The following SDHB variants were observed in gnomAD, a reference collection of about 807,000 sequenced individuals.
SDHB encodes the protein succinate dehydrogenase [ubiquinone] iron-sulfur subunit, mitochondrial.
In SDHB, 21 loss-of-function variants were observed where a neutral mutation model predicts 39.7. That is an observed-to-expected ratio of 0.53 (90% CI 0.37 to 0.76). The LOEUF (loss-of-function observed/expected upper bound fraction) is 0.76. SDHB is among the 30% of genes least tolerant of loss of function. The pLI, the probability that SDHB is intolerant of heterozygous loss-of-function variation, is 0.00. For missense variants in SDHB, 343 were observed against 350.9 expected (o/e 0.98, Z 0.18); for synonymous variants, 118 against 117.0 (o/e 1.01, Z -0.06).
intron 2 of SDHB, among the ~76,000 whole-genome samples, chr1:17,035,568 T>C (rs1463751041): frequency 6.6e-6 from 1 of 152,164 alleles, no homozygotes; most frequent in Non-Finnish European, 1.5e-5. Flanking sequence ...AAATTTCAAA[T>C]TGGCCAGGTG....
intron 6 of SDHB, chr1:17,023,273 A>G (rs764920471): frequency 5.0e-6 from 1 of 200,064 alleles, no homozygotes; most frequent in Admixed American, 5.3e-5. Context: ...TACTTAGAGG[A>G]CCTCTACATC....
At chr1:17,041,279 A>AT (rs1157338702) in intron 2 of SDHB, among the ~76,000 whole-genome samples, 1 of 152,086 alleles carries the variant, frequency 6.6e-6, no homozygotes, top group Non-Finnish European at 1.5e-5. Context: ...TCAGTACTAG[A>AT]TTTTCCATTT....
chr1:17,030,196 A>C (rs566897324), intron 3 of SDHB, among the ~76,000 whole-genome samples: 20 of 152,282 alleles, frequency 1.3e-4, no homozygotes, highest in African/African-American at 4.1e-4. Flanking sequence ...CTCAAAAAAA[A>C]GAAAAAAATA....
At chr1:17,038,796 G>T (rs1171858613) in intron 2 of SDHB, among the ~76,000 whole-genome samples, 3 of 152,018 alleles carry the variant, frequency 2.0e-5, no homozygotes, top group Non-Finnish European at 4.4e-5. Flanking sequence ...ATTCCTTATA[G>T]TTTTATTTAT....
At chr1:17,021,893 C>T (rs1489370752) in intron 7 of SDHB, among the ~76,000 whole-genome samples, 1 of 152,234 alleles carries the variant, frequency 6.6e-6, no homozygotes, top group Non-Finnish European at 1.5e-5. Flanking sequence ...TATAAAATTA[C>T]CCAGTCTGAA....
intron 1 of SDHB, 34 bp downstream of exon 1, chr1:17,053,905 GTGGCTTTCC>G (rs1463309780): frequency 6.7e-7 from 1 of 1,481,874 alleles, no homozygotes; most frequent in Admixed American, 1.7e-5. Flanking sequence ...GGCAGTCTCT[GTGGCTTTCC>G]TGACTTTTCC....
At position 17,039,993 on chromosome 1, in the gene SDHB, T is replaced by C. The variant is rs76793441; in HGVS notation, c.200+4768A>G. 5.3e-3 allele frequency among the ~76,000 whole-genome samples: 811 copies of C among 152,350 alleles called. 10 individuals carry two copies. Among genetic ancestry groups the C allele is most frequent in the African/African-American group, 0.019 (780 of 41,578 alleles). On this transcript the variant is annotated intron_variant, in intron 2 of 7. Transcript: ENST00000375499. ...GACTAACTTCCTATAGCATTTCATG[T>C]AGTACTGGTCTTCTGGCCATGAATT... is the stretch of plus-strand genomic sequence containing the variant.
At chr1:17,030,624 G>GA (rs2078017263) in intron 3 of SDHB, among the ~76,000 whole-genome samples, 1 of 151,928 alleles carries the variant, frequency 6.6e-6, no homozygotes, top group Admixed American at 6.6e-5. Flanking sequence ...CTCTGAAGCT[G>GA]TTTTTTGAAG....
intron 7 of SDHB, among the ~76,000 whole-genome samples, chr1:17,021,602 G>A (rs2077962383): frequency 1.3e-5 from 2 of 152,068 alleles, no homozygotes; most frequent in Non-Finnish European, 2.9e-5. Flanking sequence ...AAATTAGCCA[G>A]GCATGAGTGG....
intron 5 of SDHB, among the ~76,000 whole-genome samples, chr1:17,026,334 C>T (rs2077990831): frequency 6.6e-6 from 1 of 152,116 alleles, no homozygotes; most frequent in Non-Finnish European, 1.5e-5. Flanking sequence ...TGGTGACAGA[C>T]TGGGCACACT....
chr1:17,032,985 C>CT, intron 3 of SDHB, 75 bp downstream of exon 3: 1 of 1,092,166 alleles, frequency 9.2e-7, no homozygotes, highest in East Asian at 2.4e-5. Context: ...CCAGATGTCT[C>CT]TATCAGCTTT....
At position 17,045,134 on chromosome 1, in the gene SDHB, AACTT is replaced by A. The variant is rs1402936818; in HGVS notation, c.73-250_73-247del. ...TACACAAAAACCTTCATCTTCACAG[AACTT>A]ACTTTGTAGTGAACAAGAGTTAAAT... On this transcript the variant is annotated intron_variant, in intron 1 of 7. Coordinates refer to ENST00000375499, the MANE Select transcript of SDHB (RefSeq NM_003000.3). 3 of 504,200 alleles carry A rather than the reference AACTT, an allele frequency of 6.0e-6. No homozygotes were observed. The East Asian group carries it at 1.1e-4, about 18-fold the overall frequency. 31.2% of individuals were successfully genotyped at this position (504,200 alleles called of 1,614,324 possible).
At chr1:17,041,604 G>A (rs565354565) in intron 2 of SDHB, among the ~76,000 whole-genome samples, 2 of 152,196 alleles carry the variant, frequency 1.3e-5, no homozygotes, top group African/African-American at 4.8e-5. Context: ...GGAGGTTGCA[G>A]TGAGCCAAGA....
At chr1:17,028,775 C>T (rs773826316) in intron 3 of SDHB, 39 bp from the exon 4 acceptor site, 1 of 1,610,260 alleles carries the variant, frequency 6.2e-7, no homozygotes, top group Admixed American at 1.7e-5. Context: ...TCACCCATAT[C>T]CGGAATCAGT....
At chr1:17,030,052 C>T (rs890456848) in intron 3 of SDHB, among the ~76,000 whole-genome samples, 3 of 151,884 alleles carry the variant, frequency 2.0e-5, no homozygotes, top group African/African-American at 7.3e-5. Context: ...AAATATAAGT[C>T]GTGGTGGGTG....
Position 17,018,807 on chromosome 1 carries a change from T to A in SDHB, c.*74A>T, listed in dbSNP as rs1570942521. The A allele has an allele frequency of 1.8e-6, 2 of 1,090,480 alleles. No homozygotes were observed. Among genetic ancestry groups the A allele is most frequent in the East Asian group, 4.7e-5 (2 of 42,474 alleles). The allele number at this position is 1,090,480 out of a possible 1,614,324, so 67.6% of individuals were successfully genotyped here. A position where few individuals can be genotyped will look rare whatever the true frequency, so the allele number is the denominator to read the frequency against. On this transcript the variant is annotated 3_prime_UTR_variant, in exon 8 of 8. Transcript: ENST00000375499. ...TGTATTCATGGAAAACCAAGATCTT[T>A]AAAGGAACTCAAATTAGATATAAAT...
chr1:17,033,006 A>T, intron 3 of SDHB, 54 bp downstream of exon 3: 1 of 1,410,674 alleles, frequency 7.1e-7, no homozygotes, highest in South Asian at 1.2e-5. Flanking sequence ...GGCCAGCCCA[A>T]GCCTCTTTGG....
At chr1:17,041,792 T>C (rs1402190227) in intron 2 of SDHB, among the ~76,000 whole-genome samples, 1 of 152,230 alleles carries the variant, frequency 6.6e-6, no homozygotes, top group East Asian at 1.9e-4. Context: ...GCACGCAAGA[T>C]GTGGGCAGAG....
At chr1:17,024,364 C>A (rs1357281805) in intron 5 of SDHB, among the ~76,000 whole-genome samples, 3 of 152,094 alleles carry the variant, frequency 2.0e-5, no homozygotes, top group Non-Finnish European at 4.4e-5. Flanking sequence ...AAAACAAGAA[C>A]ACAAAAACAA....
Sources: allele counts gnomAD v4.1 joint callset (sites outside exome capture counted in the v4.1 genomes callset), GRCh38; gene constraint gnomAD v4.1.1; transcripts MANE v1.5; gene names NCBI Gene and HGNC (gene_info 2026-07-23, HGNC 2026-07-21).